AKR1B15: variants seen among roughly 807,000 people sequenced by gnomAD.
AKR1B15 encodes the protein aldo-keto reductase family 1 member B15.
AKR1B15 carries 49 observed loss-of-function variants against 38.5 expected under a neutral mutation model. The observed-to-expected ratio is 1.27, with a 90% CI of 1.01 to 1.62. The LOEUF is 1.62. AKR1B15 is among the 40% of genes most tolerant of loss of function. The pLI is 0.00. For missense variants in AKR1B15, 411 were observed against 381.6 expected, an observed-to-expected ratio of 1.08 and a Z score of -0.64; for synonymous variants, 137 against 135.5, an observed-to-expected ratio of 1.01 and a Z score of -0.08.
At chr7:134,561,977 TTTGC>T (rs1794407711) in intron 2 of AKR1B15, among the ~76,000 whole-genome samples, 2 of 131,488 alleles carry the variant, frequency 1.5e-5, no homozygotes, top group South Asian at 5.6e-4. Flanking sequence ...TTCTTCCTTC[TTTGC>T]TTTGCTTTCT....
At chr7:134,568,530 G>T (rs906741226) in intron 4 of AKR1B15, among the ~76,000 whole-genome samples, 1 of 152,200 alleles carries the variant, frequency 6.6e-6, no homozygotes, top group African/African-American at 2.4e-5. Context: ...CCTGCCTGCG[G>T]GTTGGATTTC....
In AKR1B15 at chr7:134,568,677, G is replaced by A. The variant is rs149850277; in HGVS notation, c.318+352G>A. On this transcript the variant is annotated intron_variant, in intron 4 of 11. Coordinates refer to ENST00000457545, the MANE Select transcript of AKR1B15 (RefSeq NM_001080538.3). Reference sequence around the variant, plus strand: ...TCCCTCTCAGCACTGTGGTCTCAGCGACTGTGCCCCTGAGGTTCTCAGCCA... The same window carrying A: ...TCCCTCTCAGCACTGTGGTCTCAGCAACTGTGCCCCTGAGGTTCTCAGCCA... Among the ~76,000 whole-genome samples the A allele has an allele frequency of 1.5e-3, 224 of 152,256 alleles. 2 individuals carry two copies. The highest frequency in any genetic ancestry group is 4.8e-3 in the African/African-American group (199 of 41,548).
chr7:134,576,560 C>G, intron 9 of AKR1B15, 130 bp downstream of exon 9: 1 of 1,113,564 alleles, frequency 9.0e-7, no homozygotes, highest in South Asian at 1.6e-5. Flanking sequence ...TAAAGTATTT[C>G]CTTTGAAGTC....
chr7:134,561,207 T>C (rs1391518113), intron 2 of AKR1B15, among the ~76,000 whole-genome samples: 1 of 152,212 alleles, frequency 6.6e-6, no homozygotes, highest in East Asian at 1.9e-4. Flanking sequence ...TTATGAGGCA[T>C]GCATGTATTT....
In AKR1B15 at chr7:134,571,613, G is replaced by A; in HGVS notation, c.445G>A (p.Asp149Asn). 1 of 1,613,070 alleles carries A rather than the reference G, an allele frequency of 6.2e-7. No homozygotes were observed. The highest frequency in any genetic ancestry group is 1.1e-5 in the South Asian group (1 of 90,970). Residue 149 changes from aspartate to asparagine, a missense_variant, in exon 6 of 12, where the codon GAC becomes AAC. Transcript: ENST00000457545. ...HWPQGFKTGD[D>N]FFPKDDKGNM... ...CATTCTGTATTTACAGACTGGGGAT[G>A]ACTTTTTCCCCAAAGATGATAAAGG... is the stretch of plus-strand genomic sequence containing the variant.
intron 2 of AKR1B15, among the ~76,000 whole-genome samples, chr7:134,561,966 T>A (rs1211184504): frequency 6.6e-6 from 1 of 151,066 alleles, no homozygotes; most frequent in Non-Finnish European, 1.5e-5. Context: ...GCCTTTGTTT[T>A]TTCTTCCTTC....
intron 6 of AKR1B15, among the ~76,000 whole-genome samples, chr7:134,574,978 C>G (rs1253029435): frequency 6.6e-6 from 1 of 152,212 alleles, no homozygotes; most frequent in Non-Finnish European, 1.5e-5. Context: ...TCCTGACTAA[C>G]ACAGCTTGCC....
intron 5 of AKR1B15, 77 bp downstream of exon 5, chr7:134,569,606 G>A (rs1297412980): frequency 1.4e-6 from 2 of 1,451,170 alleles, no homozygotes; most frequent in Admixed American, 1.8e-5. Flanking sequence ...AGAGAGACTG[G>A]CTGAAGCCAT....
In AKR1B15 at chr7:134,573,264, C is replaced by T. The variant is rs886604379; in HGVS notation, c.513+1583C>T. 6 of 562,042 alleles carry T rather than the reference C, an allele frequency of 1.1e-5. No individual in the cohort carries two copies. In the African/African-American group the frequency reaches 1.2e-4, roughly 12 times the overall value. The allele number at this position is 562,042 out of a possible 1,614,324, so 34.8% of individuals were successfully genotyped here. A position where few individuals can be genotyped will look rare whatever the true frequency, so the allele number is the denominator to read the frequency against. ...CAGGCTGGTCTCAAACTCCTGACCT[C>T]AAGGGATCCACCCGTCTCAGCCTCC... is the stretch of plus-strand genomic sequence containing the variant. On this transcript the variant is annotated intron_variant, in intron 6 of 11. Coordinates refer to ENST00000457545, the MANE Select transcript of AKR1B15 (RefSeq NM_001080538.3).
chr7:134,565,537 C>T lies in AKR1B15; in HGVS notation c.150+768C>T, dbSNP rs1471346958. 2.5e-6 allele frequency: 4 copies of T among 1,613,828 alleles called. 1 individual carries two copies. ...CCAAGATGCCCATTGTGGGCCTGGG[C>T]ACTTGGAGGGTAAATATGCAAATCT... On this transcript the variant is annotated intron_variant, in intron 3 of 11. Transcript: ENST00000457545.
intron 1 of AKR1B15, among the ~76,000 whole-genome samples, chr7:134,550,349 G>A (rs756252752): frequency 9.2e-5 from 14 of 152,070 alleles, no homozygotes; most frequent in Non-Finnish European, 7.3e-5. Flanking sequence ...CAAGTCCAGC[G>A]TCTCTAAGAC....
chr7:134,549,243 C>A lies in AKR1B15; in HGVS notation c.-153C>A. 6.6e-6 allele frequency: 1 copy of A among 152,548 alleles called. No individual in the cohort carries two copies. The highest frequency in any genetic ancestry group is 1.5e-5 in the Non-Finnish European group (1 of 68,088). 9.4% of individuals were successfully genotyped at this position (152,548 alleles called of 1,614,324 possible). ...CTCCTGAGTCCTCAGTCTCTAGTCC[C>A]GGGAAGGTAAGTCAGATCTGACTCT... On this transcript the variant is annotated 5_prime_UTR_variant, in exon 1 of 12. Transcript: ENST00000457545.
chr7:134,562,186 C>T (rs1014126906), intron 2 of AKR1B15, among the ~76,000 whole-genome samples: 6 of 152,162 alleles, frequency 3.9e-5, no homozygotes, highest in African/African-American at 1.4e-4. Context: ...TGGCTGACTT[C>T]AAGACTGGAG....
At chr7:134,558,114 C>T (rs558758801) in intron 2 of AKR1B15, among the ~76,000 whole-genome samples, 2 of 152,228 alleles carry the variant, frequency 1.3e-5, no homozygotes, top group Admixed American at 6.5e-5. Context: ...ATTGGGGACC[C>T]CAAGCAATGT....
At chr7:134,569,291 G>A in intron 4 of AKR1B15, 122 bp from the exon 5 acceptor site, 1 of 1,118,658 alleles carries the variant, frequency 8.9e-7, no homozygotes, top group Non-Finnish European at 1.3e-6. Context: ...ATCTTAATCA[G>A]CTTTGTTATA....
chr7:134,578,245 G>C (rs1794807046), intron 11 of AKR1B15, among the ~76,000 whole-genome samples: 1 of 152,196 alleles, frequency 6.6e-6, no homozygotes, highest in Admixed American at 6.5e-5. Context: ...GTAAAGTAGG[G>C]CAAAGTGGAC....
At chr7:134,561,316 T>G (rs1794383840) in intron 2 of AKR1B15, among the ~76,000 whole-genome samples, 1 of 152,088 alleles carries the variant, frequency 6.6e-6, no homozygotes, top group Non-Finnish European at 1.5e-5. Flanking sequence ...TAGGTTCAAG[T>G]GATTCTCAGG....
At chr7:134,562,211 A>G (rs1264392448) in intron 2 of AKR1B15, among the ~76,000 whole-genome samples, 1 of 152,144 alleles carries the variant, frequency 6.6e-6, no homozygotes, top group South Asian at 2.1e-4. Flanking sequence ...GGACCTTCAC[A>G]GTGAGTGTTA....
chr7:134,554,911 T>G (rs1429039797), intron 1 of AKR1B15, among the ~76,000 whole-genome samples: 1 of 152,210 alleles, frequency 6.6e-6, no homozygotes, highest in Non-Finnish European at 1.5e-5. Context: ...GGAAACTCCA[T>G]TGTGCCTATC....
Sources: allele counts gnomAD v4.1 joint callset (sites outside exome capture counted in the v4.1 genomes callset), GRCh38; gene constraint gnomAD v4.1.1; transcripts MANE v1.5; gene names NCBI Gene and HGNC (gene_info 2026-07-23, HGNC 2026-07-21).